AFF3: variants seen among roughly 807,000 people sequenced by gnomAD.
The protein encoded by AFF3 is ALF transcription elongation factor 3, also known as AF4/FMR2 family member 3.
A neutral mutation model predicts 129.7 loss-of-function variants in AFF3; 32 were observed. The observed-to-expected ratio is 0.25, with a 90% confidence interval of 0.19 to 0.33. The LOEUF (loss-of-function observed/expected upper bound fraction) is 0.33. Ranked by LOEUF, AFF3 falls within the 10% of genes least tolerant of loss-of-function variation. AFF3 has a pLI of 1.00. For missense variants in AFF3, 1,373 were observed against 1,592.0 expected, an observed-to-expected ratio of 0.86 and a Z score of 2.34; for synonymous variants, 644 against 635.4, an observed-to-expected ratio of 1.01 and a Z score of -0.20.
chr2:100,002,434 C>T (rs369662806), intron 7 of AFF3, among the ~76,000 whole-genome samples: 5 of 152,268 alleles, frequency 3.3e-5, no homozygotes, highest in South Asian at 4.1e-4. Flanking sequence ...ATGGCATAAA[C>T]GGCAATTTTA....
intron 9 of AFF3, among the ~76,000 whole-genome samples, chr2:99,751,435 GA>G (rs1681648016): frequency 6.6e-6 from 1 of 152,000 alleles, no homozygotes; most frequent in African/African-American, 2.4e-5. Flanking sequence ...ACATATTGTT[GA>G]AAAAAATCAA....
At chr2:99,865,392 G>T (rs1691316352) in intron 7 of AFF3, among the ~76,000 whole-genome samples, 1 of 152,200 alleles carries the variant, frequency 6.6e-6, no homozygotes, top group Non-Finnish European at 1.5e-5. Flanking sequence ...ACAAGCCAAA[G>T]AATAATTTAC....
chr2:99,767,234 G>T (rs1004433060), intron 8 of AFF3, among the ~76,000 whole-genome samples: 9 of 152,178 alleles, frequency 5.9e-5, no homozygotes, highest in African/African-American at 2.2e-4. Context: ...TGAGAGGAGA[G>T]AAGCAATAAA....
intron 9 of AFF3, 22 bp downstream of exon 9, chr2:99,752,199 C>T (rs755118367): frequency 1.9e-6 from 3 of 1,590,566 alleles, no homozygotes; most frequent in East Asian, 2.2e-5. Flanking sequence ...ACATATTCCT[C>T]CTGAGGGATG....
chr2:99,600,359 T>C (rs79761922), intron 14 of AFF3, among the ~76,000 whole-genome samples: 2,607 of 152,030 alleles, frequency 0.017, 77 homozygotes, highest in African/African-American at 0.058. Flanking sequence ...CTGAAAGAAG[T>C]AGGGAGGGGA....
At chr2:99,978,036 A>G (rs1285156580) in intron 7 of AFF3, among the ~76,000 whole-genome samples, 1 of 152,208 alleles carries the variant, frequency 6.6e-6, no homozygotes, top group African/African-American at 2.4e-5. Flanking sequence ...ACTAGTCTGT[A>G]AAACTCCTGA....
Position 99,565,433 on chromosome 2 carries a change from C to T in AFF3, c.3119+54G>A, listed in dbSNP as rs1016011865. ...CATTCTTTTCTCTGTAACCATAGTG[C>T]TTCCACACATTCCTCACTCCTCCCC... On this transcript the variant is annotated intron_variant, in intron 20 of 24. Coordinates refer to ENST00000672756, the MANE Select transcript of AFF3 (RefSeq NM_001386135.1). 4 of 1,596,584 alleles carry T rather than the reference C, an allele frequency of 2.5e-6. No homozygotes were observed. The Admixed American group carries it at 6.7e-5, about 27-fold the overall frequency.
intron 4 of AFF3, among the ~76,000 whole-genome samples, chr2:100,065,426 G>A (rs1158441756): frequency 1.3e-5 from 2 of 152,072 alleles, no homozygotes; most frequent in Admixed American, 6.5e-5. Context: ...ACACAAGTAC[G>A]ATATGCATAT....
In AFF3 at chr2:100,132,432, A is replaced by G. The variant is rs186896583; in HGVS notation, c.-227-3126T>C. 1.1e-4 allele frequency among the ~76,000 whole-genome samples: 17 copies of G among 152,374 alleles called. No individual in the cohort carries two copies. In the East Asian group the frequency reaches 2.1e-3, roughly 19 times the overall value. Reference sequence around the variant, plus strand: ...AAACAAAGCCAACACTACTAAAAAGACAAAGAATGTAGTTAAGTCTTTTTT... The same window carrying G: ...AAACAAAGCCAACACTACTAAAAAGGCAAAGAATGTAGTTAAGTCTTTTTT... On this transcript the variant is annotated intron_variant, in intron 1 of 24. Transcript: ENST00000672756.
chr2:100,107,408 G>C, intron 2 of AFF3: 1 of 985,326 alleles, frequency 1.0e-6, no homozygotes, highest in Non-Finnish European at 1.2e-6. Flanking sequence ...AGCAAAAAAA[G>C]GGTTTGGACT....
intron 17 of AFF3, among the ~76,000 whole-genome samples, chr2:99,581,916 G>A (rs1677598562): frequency 6.9e-6 from 1 of 143,996 alleles, no homozygotes; most frequent in Non-Finnish European, 1.5e-5. Flanking sequence ...GTGCAGTGCC[G>A]AGATCTCAGC....
chr2:99,992,233 C>T (rs1424945434), intron 7 of AFF3, among the ~76,000 whole-genome samples: 1 of 151,596 alleles, frequency 6.6e-6, no homozygotes, highest in Non-Finnish European at 1.5e-5. Flanking sequence ...AAATACAGCT[C>T]AGAAAAAAAA....
At chr2:99,571,344 A>T (rs886082607) in intron 18 of AFF3, among the ~76,000 whole-genome samples, 4 of 151,938 alleles carry the variant, frequency 2.6e-5, no homozygotes, top group African/African-American at 9.7e-5. Flanking sequence ...CTTCAAATGC[A>T]TTTCATTAAA....
chr2:99,977,250 G>A (rs969938368), intron 7 of AFF3, among the ~76,000 whole-genome samples: 1 of 152,142 alleles, frequency 6.6e-6, no homozygotes, highest in Non-Finnish European at 1.5e-5. Flanking sequence ...GCCAGCCCAG[G>A]ACATCTAGAG....
At chr2:99,582,705 G>A in intron 17 of AFF3, 93 bp downstream of exon 17, 1 of 1,372,376 alleles carries the variant, frequency 7.3e-7, no homozygotes, top group Non-Finnish European at 1.0e-6. Context: ...GGGACCTCAA[G>A]CATGTGTTCA....
chr2:99,889,943 A>T (rs1209942589), intron 7 of AFF3, among the ~76,000 whole-genome samples: 1 of 152,196 alleles, frequency 6.6e-6, no homozygotes, highest in Non-Finnish European at 1.5e-5. Flanking sequence ...TACAGGCATG[A>T]GCCACCGCAT....
chr2:99,951,962 A>G (rs1384266229), intron 7 of AFF3, among the ~76,000 whole-genome samples: 3 of 152,238 alleles, frequency 2.0e-5, no homozygotes, highest in Admixed American at 2.0e-4. Flanking sequence ...ATCTCTGAGA[A>G]TAACAGCTTG....
chr2:100,011,639 C>T (rs1682561950), intron 4 of AFF3: 5 of 772,524 alleles, frequency 6.5e-6, no homozygotes, highest in East Asian at 2.4e-5. Flanking sequence ...AGTATCTTAG[C>T]GTGCATGAGT....
chr2:99,969,795 G>T (rs961650531), intron 7 of AFF3, among the ~76,000 whole-genome samples: 1 of 152,156 alleles, frequency 6.6e-6, no homozygotes, highest in Non-Finnish European at 1.5e-5. Context: ...GAGCCACTAT[G>T]CCTGGCCAAA....
Sources: allele counts gnomAD v4.1 joint callset (sites outside exome capture counted in the v4.1 genomes callset), GRCh38; gene constraint gnomAD v4.1.1; transcripts MANE v1.5; gene names NCBI Gene and HGNC (gene_info 2026-07-23, HGNC 2026-07-21).